The following XPNPEP1 variants were observed in gnomAD, a reference collection of about 807,000 sequenced individuals.
XPNPEP1 encodes xaa-Pro aminopeptidase 1.
Under a neutral mutation model 92.4 loss-of-function variants are expected in XPNPEP1, and 39 were observed. The observed-to-expected ratio is 0.42, with a 90% CI of 0.33 to 0.55. The LOEUF (loss-of-function observed/expected upper bound fraction) is 0.55. XPNPEP1 is among the 20% of genes least tolerant of loss of function. The pLI is 0.08. For synonymous variants in XPNPEP1, 307 were observed against 299.4 expected (o/e 1.03, Z -0.26); for missense variants, 654 against 856.1 (o/e 0.76, Z 2.95).
At chr10:109,875,681 T>C (rs1376048181) in intron 14 of XPNPEP1, 82 bp from the exon 15 acceptor site, 3 of 1,223,310 alleles carry the variant, frequency 2.5e-6, no homozygotes, top group East Asian at 2.5e-5. Flanking sequence ...AAGAGCTCTT[T>C]GTACTATTCT....
At chr10:109,892,367 G>C (rs1487531310) in intron 4 of XPNPEP1, 1 of 156,270 alleles carries the variant, frequency 6.4e-6, no homozygotes, top group Non-Finnish European at 1.4e-5. Flanking sequence ...TTTGGCAGAG[G>C]TGTCAGCCAA....
At chr10:109,877,480 C>A (rs573994235) in intron 14 of XPNPEP1, 5 of 258,628 alleles carry the variant, frequency 1.9e-5, no homozygotes, top group South Asian at 6.5e-5. Flanking sequence ...AAAAAAAAAA[C>A]TTAGTCATCA....
intron 1 of XPNPEP1, chr10:109,923,176 C>G (rs752584): frequency 0.15 from 145,380 of 985,036 alleles, 11,956 homozygotes; most frequent in East Asian, 0.43. Context: ...AGACTCGGGC[C>G]GCCCCGTGCC....
At chr10:109,870,957 A>G (rs918692233) in intron 17 of XPNPEP1, 53 bp from the exon 18 acceptor site, 90 of 1,562,800 alleles carry the variant, frequency 5.8e-5, no homozygotes, top group Non-Finnish European at 7.4e-5. Context: ...TTTAGAGATT[A>G]AATTTATTAT....
At chr10:109,923,184 G>A (rs894973080) in intron 1 of XPNPEP1, 4 of 985,336 alleles carry the variant, frequency 4.1e-6, no homozygotes, top group Non-Finnish European at 4.8e-6. Flanking sequence ...GCCGCCCCGT[G>A]CCCACCGACC....
At chr10:109,881,309 G>T (rs1229051649) in intron 10 of XPNPEP1, among the ~76,000 whole-genome samples, 1 of 152,188 alleles carries the variant, frequency 6.6e-6, no homozygotes, top group Non-Finnish European at 1.5e-5. Flanking sequence ...TACAAAGGGG[G>T]CTTTTTCTCC....
At chr10:109,907,307 C>A (rs545422033) in intron 3 of XPNPEP1, among the ~76,000 whole-genome samples, 13 of 152,182 alleles carry the variant, frequency 8.5e-5, no homozygotes. Context: ...TTTACCCTAC[C>A]GCCCATCAAC....
At chr10:109,890,564 G>GTT (rs1848641427) in intron 5 of XPNPEP1, among the ~76,000 whole-genome samples, 1 of 87,460 alleles carries the variant, frequency 1.1e-5, no homozygotes, top group Non-Finnish European at 2.2e-5. Flanking sequence ...GTGTGTGTGT[G>GTT]TGTGTGTGTG....
rs564784851 is a variant in XPNPEP1, at chr10:109,897,267, C to CA, written c.247-4193dup. Among the ~76,000 whole-genome samples, 173 of 134,926 alleles carry CA rather than the reference C, an allele frequency of 1.3e-3. 1 individual carries two copies. Among genetic ancestry groups the CA allele is most frequent in the East Asian group, 5.8e-3 (27 of 4,662 alleles). 88.5% of individuals were successfully genotyped at this position (134,926 alleles called of 152,430 possible). Reference sequence around the variant, plus strand: ...AGCCAAATAAAGCATCTGTAAACTACAAAAAAAAAAAAAGCTAGTCATCTC... The same window carrying CA: ...AGCCAAATAAAGCATCTGTAAACTACAAAAAAAAAAAAAAGCTAGTCATCTC... On this transcript the variant is annotated intron_variant, in intron 3 of 20. Coordinates refer to ENST00000502935, the MANE Select transcript of XPNPEP1 (RefSeq NM_020383.4).
intron 4 of XPNPEP1, 115 bp downstream of exon 4, chr10:109,892,897 G>C: frequency 3.9e-6 from 4 of 1,015,156 alleles, no homozygotes; most frequent in Non-Finnish European, 5.9e-6. Flanking sequence ...AGTCAATGTG[G>C]AGCATCTGGT....
At position 109,886,247 on chromosome 10, in the gene XPNPEP1, C is replaced by T. The variant is rs190184663; in HGVS notation, c.747G>A (p.Ala249=). The T allele has an allele frequency of 1.4e-4, 228 of 1,614,148 alleles. 1 individual carries two copies. In the East Asian group the frequency reaches 3.6e-3, roughly 25 times the overall value. ...AAACAGCGAAACCAGAGCACTCACA[C>T]GCAATCTCATCCAAGGCAGTGACCA... The part of the protein sequence containing the change: ...WFVVTALDEI[A]WLFNLRGSDV... Residue 249 remains alanine (A), a splice_region_variant and synonymous_variant, in exon 8 of 21, where the codon GCG becomes GCA. Coordinates refer to ENST00000502935, the MANE Select transcript of XPNPEP1 (RefSeq NM_020383.4).
At chr10:109,895,143 T>C (rs547848131) in intron 3 of XPNPEP1, among the ~76,000 whole-genome samples, 413 of 152,338 alleles carry the variant, frequency 2.7e-3, no homozygotes, top group African/African-American at 9.5e-3. Flanking sequence ...AAATAACTCT[T>C]GTGCTAAAAA....
At chr10:109,865,516 T>C (rs1292801703) in intron 20 of XPNPEP1, among the ~76,000 whole-genome samples, 3 of 152,228 alleles carry the variant, frequency 2.0e-5, no homozygotes, top group Non-Finnish European at 4.4e-5. Flanking sequence ...TCATGGCTTC[T>C]GGTGAAAAGG....
chr10:109,918,019 G>C lies in XPNPEP1; in HGVS notation c.33-2920C>G, dbSNP rs1012483751. 2.0e-5 allele frequency among the ~76,000 whole-genome samples: 3 copies of C among 151,948 alleles called. No individual in the cohort carries two copies. The East Asian group carries it at 5.8e-4, about 29-fold the overall frequency. ...TCTCAGCTACTCTGGAGGCTGAGGT[G>C]GGGTGGATCACTTGAGCCCTGGAGG... On this transcript the variant is annotated intron_variant, in intron 1 of 20. Transcript: ENST00000502935.
chr10:109,883,062 T>G (rs1316650878), intron 9 of XPNPEP1, among the ~76,000 whole-genome samples: 10 of 152,342 alleles, frequency 6.6e-5, no homozygotes, highest in Admixed American at 6.5e-4. Flanking sequence ...CTTTACAACT[T>G]GTACATCTAA....
intron 1 of XPNPEP1, among the ~76,000 whole-genome samples, chr10:109,922,576 A>C (rs1035316295): frequency 6.6e-6 from 1 of 152,178 alleles, no homozygotes; most frequent in Non-Finnish European, 1.5e-5. Context: ...TGTGTTCAGC[A>C]AGAAAGCCTG....
At chr10:109,868,521 G>C (rs980500221) in intron 20 of XPNPEP1, 93 bp downstream of exon 20, 2 of 1,128,558 alleles carry the variant, frequency 1.8e-6, no homozygotes, top group Non-Finnish European at 2.6e-6. Context: ...GACTGGATTA[G>C]AGAATTTAGG....
intron 14 of XPNPEP1, chr10:109,876,237 A>G (rs1395405335): frequency 6.6e-6 from 1 of 152,442 alleles, no homozygotes; most frequent in African/African-American, 2.4e-5. Context: ...CGTTTTCAAA[A>G]CAATATCACT....
At position 109,867,794 on chromosome 10, in the gene XPNPEP1, T is replaced by C. The variant is rs1045177821; in HGVS notation, c.1872+820A>G. Among the ~76,000 whole-genome samples the C allele has an allele frequency of 1.3e-5, 2 of 152,238 alleles. No individual in the cohort carries two copies. Among genetic ancestry groups the C allele is most frequent in the African/African-American group, 2.4e-5 (1 of 41,466 alleles). ...GCTCCCACCAGTCATTTGCTTTTCATTGGAACTTCTGACCCCTGCCTTGCT... is the reference window on the plus strand; with the variant it reads ...GCTCCCACCAGTCATTTGCTTTTCACTGGAACTTCTGACCCCTGCCTTGCT... On this transcript the variant is annotated intron_variant, in intron 20 of 20. Transcript: ENST00000502935. This position sits in a 1 kb window ranked among gnomAD's most constrained non-coding sequence, Gnocchi z 4.5.
Sources: gnomAD v4.1 joint callset for allele counts (sites outside exome capture counted in the v4.1 genomes callset) on GRCh38, gnomAD v4.1.1 for gene constraint, Gnocchi (gnomAD v3.1) non-coding constraint, MANE v1.5 for transcripts, NCBI Gene and HGNC (gene_info 2026-07-23, HGNC 2026-07-21) for gene names.